The following NR3C1 variants were observed in gnomAD, a reference collection of about 807,000 sequenced individuals.
The protein encoded by NR3C1 is nuclear receptor subfamily 3 group C member 1.
In NR3C1, 14 loss-of-function variants were observed where a neutral mutation model predicts 74.0. The ratio of observed to expected loss-of-function variants is 0.19; its 90% CI spans 0.12 to 0.30. NR3C1 has a LOEUF of 0.30. Among genes scored for constraint, NR3C1 ranks in the 10% least tolerant of loss-of-function variants. The pLI is 1.00. For synonymous variants in NR3C1, 308 were observed against 332.5 expected, an observed-to-expected ratio of 0.93 and a Z score of 0.80; for missense variants, 695 against 909.8, an observed-to-expected ratio of 0.76 and a Z score of 3.04.
At chr5:143,296,008 A>T (rs917825841) in intron 6 of NR3C1, among the ~76,000 whole-genome samples, 3 of 152,206 alleles carry the variant, frequency 2.0e-5, no homozygotes, top group Admixed American at 6.5e-5. Context: ...AGTCCATCCT[A>T]AAGACAAAAA....
chr5:143,404,500 C>A (rs1600653063), upstream of NR3C1: 3 of 981,004 alleles, frequency 3.1e-6, no homozygotes, highest in Non-Finnish European at 3.6e-6. Context: ...AGAACCCACC[C>A]TCCCCCGCGC....
chr5:143,397,710 G>A (rs749336910), intron 2 of NR3C1, among the ~76,000 whole-genome samples: 29 of 151,748 alleles, frequency 1.9e-4, no homozygotes, highest in Non-Finnish European at 3.2e-4. Context: ...CTAAAGAGCC[G>A]CATCATCATT....
intron 2 of NR3C1, among the ~76,000 whole-genome samples, chr5:143,352,609 C>T (rs922546814): frequency 2.1e-4 from 32 of 152,212 alleles, no homozygotes; most frequent in African/African-American, 7.0e-4. Flanking sequence ...GTGAATATTG[C>T]AACAAAGCAA....
At chr5:143,414,990 G>T (rs1841429697) in intron 1 of NR3C1, among the ~76,000 whole-genome samples, 1 of 152,100 alleles carries the variant, frequency 6.6e-6, no homozygotes, top group South Asian at 2.1e-4. Flanking sequence ...AGAGATTGGG[G>T]CCATCCAAGA....
chr5:143,314,142 G>A lies in NR3C1; in HGVS notation c.1211C>T (p.Ser404Phe). ...SSPSMRPDVS[S>F]PPSSSSTATT... is the part of the protein sequence containing the mutation. ...TGCTGTTGAGGAGCTGGATGGAGGA[G>A]AGCTTACATCTGGTCTCATGCTGGG... The change falls in exon 3 of 9, where the codon TCT becomes TTT. Residue 404 changes from serine to phenylalanine, a missense_variant. By Grantham distance (155) the Ser-to-Phe change is radical. Around this residue, in one of 4 missense-constraint regions of NR3C1, gnomAD observed 497 missense variants for 489.5 expected, o/e 1.02. Transcript: ENST00000394464. The A allele has an allele frequency of 6.2e-7, 1 of 1,613,774 alleles. No individual in the cohort carries two copies. The highest frequency in any genetic ancestry group is 8.5e-7 in the Non-Finnish European group (1 of 1,179,772).
chr5:143,384,765 T>C (rs7715728), intron 2 of NR3C1, among the ~76,000 whole-genome samples: 54 of 152,328 alleles, frequency 3.5e-4, no homozygotes, highest in African/African-American at 1.3e-3. Flanking sequence ...AGGCTAGCAT[T>C]GAGTGCCTAC....
At chr5:143,330,428 T>C (rs2151696353) in intron 2 of NR3C1, among the ~76,000 whole-genome samples, 1 of 152,334 alleles carries the variant, frequency 6.6e-6, no homozygotes, top group South Asian at 2.1e-4. Context: ...AATCGTCAGA[T>C]TTACAAGTGA....
intron 2 of NR3C1, among the ~76,000 whole-genome samples, chr5:143,368,419 T>A (rs1179616928): frequency 3.9e-5 from 6 of 151,984 alleles, no homozygotes; most frequent in African/African-American, 1.5e-4. Context: ...AATGACACTA[T>A]CAAGAAGTGA....
intron 1 of NR3C1, among the ~76,000 whole-genome samples, chr5:143,418,165 A>G (rs1255795176): frequency 6.6e-6 from 1 of 152,202 alleles, no homozygotes; most frequent in East Asian, 1.9e-4. Context: ...GTGATATATA[A>G]TCTTCAGTTG....
chr5:143,343,169 A>G (rs560297085), intron 2 of NR3C1, among the ~76,000 whole-genome samples: 14 of 152,366 alleles, frequency 9.2e-5, no homozygotes, highest in Admixed American at 9.1e-4. Context: ...CATATTTAGA[A>G]TGGCACAGTA....
intron 2 of NR3C1, chr5:143,332,505 T>C: frequency 1.7e-6 from 1 of 592,172 alleles, no homozygotes. Flanking sequence ...CATGGCCACA[T>C]GTTTACCTAT....
At chr5:143,338,354 T>TG (rs959040922) in intron 2 of NR3C1, among the ~76,000 whole-genome samples, 2 of 152,110 alleles carry the variant, frequency 1.3e-5, no homozygotes, top group Non-Finnish European at 2.9e-5. Context: ...CTTTTTTTTT[T>TG]TTGTTAACTG....
chr5:143,308,638 A>G (rs1599829791), intron 4 of NR3C1, among the ~76,000 whole-genome samples: 1 of 152,164 alleles, frequency 6.6e-6, no homozygotes, highest in South Asian at 2.1e-4. Context: ...TTTTTCATCT[A>G]TCTAATTCCT....
At chr5:143,345,897 T>C (rs1829194467) in intron 2 of NR3C1, among the ~76,000 whole-genome samples, 2 of 152,208 alleles carry the variant, frequency 1.3e-5, no homozygotes, top group African/African-American at 4.8e-5. Context: ...CTTGTTTATA[T>C]CAATTAGCCT....
At chr5:143,404,738 G>C (rs1840975925), upstream of NR3C1, 1 of 162,986 alleles carries the variant, frequency 6.1e-6, no homozygotes, top group Non-Finnish European at 1.3e-5. Flanking sequence ...CAAGTTGCAG[G>C]CGAAATAGTA....
At chr5:143,377,966 G>C (rs566159790) in intron 2 of NR3C1, among the ~76,000 whole-genome samples, 4 of 152,134 alleles carry the variant, frequency 2.6e-5, no homozygotes, top group South Asian at 2.1e-4. Context: ...GATGAAATTG[G>C]GGGCCAGGTG....
intron 1 of NR3C1, among the ~76,000 whole-genome samples, chr5:143,413,329 G>GT (rs1019720278): frequency 9.3e-4 from 139 of 148,890 alleles, no homozygotes; most frequent in East Asian, 5.1e-3. Context: ...CAAGTTATTT[G>GT]TTTTTTTTTT....
chr5:143,344,898 A>G (rs1828960841), intron 2 of NR3C1, among the ~76,000 whole-genome samples: 1 of 151,988 alleles, frequency 6.6e-6, no homozygotes, highest in African/African-American at 2.4e-5. Flanking sequence ...CCCCCACAAA[A>G]AAAAGAAAAA....
chr5:143,379,471 G>A (rs961706348), intron 2 of NR3C1, among the ~76,000 whole-genome samples: 6 of 151,984 alleles, frequency 3.9e-5, no homozygotes, highest in East Asian at 1.9e-4. Context: ...TGAACAATTC[G>A]GATATCACAG....
Sources: allele counts gnomAD v4.1 joint callset (sites outside exome capture counted in the v4.1 genomes callset), GRCh38; gene constraint gnomAD v4.1.1; regional missense constraint gnomAD v4.1.1; transcripts MANE v1.5; gene names NCBI Gene and HGNC (gene_info 2026-07-23, HGNC 2026-07-21).